Variants in MALAT1 observed in about 807,000 individuals in gnomAD.
MALAT1 encodes the protein hepcarcin.
chr11:65,503,996 T>C (rs554589262), intron 3 of MALAT1: 3 of 516,948 alleles, frequency 5.8e-6, no homozygotes, highest in South Asian at 4.2e-5. Context: ...AGAGTAATAC[T>C]TTTTCACATT....
At chr11:65,499,545 G>T in exon 3 of MALAT1, 1 of 457,210 alleles carries the variant, frequency 2.2e-6, no homozygotes, top group Non-Finnish European at 4.4e-6. Context: ...CATGACGCAG[G>T]GAGAATTGCG....
At chr11:65,498,384 G>A (rs766809309) in intron 1 of MALAT1, 47 of 518,472 alleles carry the variant, frequency 9.1e-5, no homozygotes, top group South Asian at 6.3e-4. Context: ...GCCACTGGCA[G>A]CCAACGGCCC....
intron 1 of MALAT1, chr11:65,498,396 C>T (rs779803706): frequency 1.5e-5 from 8 of 518,374 alleles, no homozygotes; most frequent in Admixed American, 3.9e-5. Flanking sequence ...CAACGGCCCC[C>T]GGGGCTCAGG....
intron 3 of MALAT1, chr11:65,506,046 AAAC>A (rs1334254035): frequency 2.2e-6 from 1 of 451,650 alleles, no homozygotes; most frequent in Non-Finnish European, 4.2e-6. Context: ...TTTCCTGAGA[AAAC>A]AACACGTATT....
intron 3 of MALAT1, chr11:65,505,266 C>T (rs1371416933): frequency 5.8e-6 from 3 of 518,474 alleles, no homozygotes; most frequent in South Asian, 4.2e-5. Context: ...CAACAAAGCG[C>T]TATTATCCTA....
At chr11:65,502,332 C>G (rs1458730343) in exon 3 of MALAT1, 2 of 515,234 alleles carry the variant, frequency 3.9e-6, no homozygotes, top group Non-Finnish European at 7.7e-6. Context: ...AACTGCAGAG[C>G]AAAGGAAGTG....
chr11:65,503,114 C>T (rs1348979710), exon 3 of MALAT1: 2 of 508,648 alleles, frequency 3.9e-6, no homozygotes, highest in Non-Finnish European at 7.9e-6. Flanking sequence ...TCGTTTGCCT[C>T]AGACAGGTAT....
At chr11:65,500,314 A>ACCAACTT in exon 3 of MALAT1, 1 of 518,748 alleles carries the variant, frequency 1.9e-6, no homozygotes, top group South Asian at 1.4e-5. Context: ...AAGAGTAATT[A>ACCAACTT]CCAACTTAAT....
chr11:65,498,133 A>G (rs1396101339), intron 1 of MALAT1: 1 of 518,892 alleles, frequency 1.9e-6, no homozygotes, highest in Admixed American at 1.9e-5. Context: ...AAAAAAGCAG[A>G]CCCAGAGCAG....
exon 3 of MALAT1, chr11:65,500,494 C>G (rs181032965): frequency 1.9e-6 from 1 of 518,700 alleles, no homozygotes; most frequent in Non-Finnish European, 3.8e-6. Flanking sequence ...GAGGAGCAAG[C>G]GAGCAAGCAG....
At chr11:65,504,839 G>A (rs374033496) in intron 3 of MALAT1, 16 of 518,916 alleles carry the variant, frequency 3.1e-5, no homozygotes, top group African/African-American at 2.7e-4. Context: ...GCAGACACAC[G>A]TATGCGAAGG....
chr11:65,502,445 G>T (rs753523012), exon 3 of MALAT1: 2 of 500,668 alleles, frequency 4.0e-6, no homozygotes, highest in Non-Finnish European at 7.9e-6. Flanking sequence ...TAGTGTAGGA[G>T]AAATACTTTT....
chr11:65,498,695 C>A (rs767629841), exon 2 of MALAT1: 1 of 518,238 alleles, frequency 1.9e-6, no homozygotes, highest in East Asian at 5.4e-5. Flanking sequence ...GTAAACTATA[C>A]CTACTGTCCC....
chr11:65,498,007 C>T lies in MALAT1; in HGVS notation n.178+142C>T, dbSNP rs370703622. The stretch of plus-strand genomic sequence containing the variant: ...TTTAGATAAAACCACTCAAACTCTG[C>T]AGTTTGGTCTTGGGGTTTGGAGGAA... On this transcript the variant is annotated intron_variant and non_coding_transcript_variant, in intron 1 of 3. Transcript: ENST00000619449. 5.8e-5 allele frequency: 30 copies of T among 518,814 alleles called. 1 individual carries two copies. Among genetic ancestry groups the T allele is most frequent in the African/African-American group, 1.3e-4 (7 of 51,934 alleles). 32.1% of individuals were successfully genotyped at this position (518,814 alleles called of 1,614,324 possible). A position where few individuals can be genotyped will look rare whatever the true frequency, so the allele number is the denominator to read the frequency against.
At chr11:65,499,776 G>T in exon 3 of MALAT1, 1 of 423,158 alleles carries the variant, frequency 2.4e-6, no homozygotes, top group Non-Finnish European at 4.6e-6. Flanking sequence ...CTGAAAAGTA[G>T]GAAGCAGAAG....
exon 3 of MALAT1, chr11:65,501,416 A>C (rs760748751): frequency 1.9e-6 from 1 of 517,564 alleles, no homozygotes; most frequent in Non-Finnish European, 3.9e-6. Flanking sequence ...TGTGGAAGAG[A>C]TGTCCATTGG....
chr11:65,502,989 G>T (rs773452887), exon 3 of MALAT1: 21 of 497,312 alleles, frequency 4.2e-5, no homozygotes, highest in Non-Finnish European at 8.0e-5. Context: ...CAGAATAAAA[G>T]CGAAAAGAAA....
intron 1 of MALAT1, chr11:65,498,366 CAG>C (rs1388745298): frequency 3.9e-6 from 2 of 518,124 alleles, no homozygotes; most frequent in Non-Finnish European, 7.7e-6. Context: ...GGCCGCAGAT[CAG>C]AGTGGGCCAC....
At chr11:65,505,670 T>C (rs748785460) in intron 3 of MALAT1, 2 of 518,854 alleles carry the variant, frequency 3.9e-6, no homozygotes, top group African/African-American at 1.9e-5. Flanking sequence ...AAGGTAACGA[T>C]GGTGTCGAGG....
Sources: gnomAD v4.1 joint callset for allele counts on GRCh38, gnomAD v4.1.1 for gene constraint, MANE v1.5 for transcripts, NCBI Gene and HGNC (gene_info 2026-07-23, HGNC 2026-07-21) for gene names.